GRID2: variants seen among roughly 807,000 people sequenced by gnomAD.
GRID2 encodes glutamate receptor ionotropic, delta-2.
GRID2 carries 33 observed loss-of-function variants against 114.8 expected under a neutral mutation model. The ratio of observed to expected loss-of-function variants is 0.29; its 90% CI spans 0.22 to 0.38. The LOEUF is 0.38. Among genes scored for constraint, GRID2 ranks in the 10% least tolerant of loss-of-function variants. GRID2 has a pLI of 1.00. For synonymous variants in GRID2, 505 were observed against 449.9 expected (o/e 1.12, Z -1.55); for missense variants, 1,184 against 1,257.7 (o/e 0.94, Z 0.89).
chr4:93,784,047 G>A (rs1290663714), intron 1 of GRID2, among the ~76,000 whole-genome samples: 5 of 135,680 alleles, frequency 3.7e-5, no homozygotes, highest in African/African-American at 2.9e-5. Context: ...ACTCCAGCCT[G>A]GGCGACAGAG....
At chr4:93,157,566 C>T (rs541626725) in intron 4 of GRID2, among the ~76,000 whole-genome samples, 99 of 151,754 alleles carry the variant, frequency 6.5e-4, no homozygotes, top group African/African-American at 2.2e-3. Context: ...AAAGTAGAAA[C>T]GCTGCACAAA....
chr4:92,550,476 TA>T (rs1478084271), intron 1 of GRID2, among the ~76,000 whole-genome samples: 3 of 152,208 alleles, frequency 2.0e-5, no homozygotes, highest in Non-Finnish European at 2.9e-5. Flanking sequence ...TGAATACACT[TA>T]GAGGCAACCC....
intron 8 of GRID2, among the ~76,000 whole-genome samples, chr4:93,322,511 G>T (rs1456680812): frequency 1.3e-5 from 2 of 152,118 alleles, no homozygotes; most frequent in African/African-American, 2.4e-5. Flanking sequence ...AGACATACAT[G>T]TGCATGTGTG....
chr4:92,551,254 CTG>C (rs34809917), intron 1 of GRID2, among the ~76,000 whole-genome samples: 16,485 of 146,550 alleles, frequency 0.11, 902 homozygotes, highest in South Asian at 0.2. Context: ...ACATCTACAC[CTG>C]TGTGTGTGTG....
At chr4:93,311,554 T>C (rs7667893) in intron 8 of GRID2, among the ~76,000 whole-genome samples, 7,268 of 152,308 alleles carry the variant, frequency 0.048, 554 homozygotes, top group African/African-American at 0.16. Context: ...CAGGGATTAC[T>C]TTTTAAAGCA....
intron 2 of GRID2, among the ~76,000 whole-genome samples, chr4:93,031,967 T>A (rs1224451114): frequency 2.0e-5 from 3 of 151,994 alleles, no homozygotes; most frequent in Non-Finnish European, 2.9e-5. Context: ...ACTTCAAGAG[T>A]AGCAAGCATT....
intron 1 of GRID2, among the ~76,000 whole-genome samples, chr4:92,399,402 C>G (rs1417394288): frequency 6.6e-6 from 1 of 152,142 alleles, no homozygotes; most frequent in Non-Finnish European, 1.5e-5. Flanking sequence ...AGCCGTTGAG[C>G]TTTACCCTGT....
chr4:92,524,741 G>A (rs1391842114), intron 1 of GRID2, among the ~76,000 whole-genome samples: 2 of 152,102 alleles, frequency 1.3e-5, no homozygotes, highest in African/African-American at 2.4e-5. Flanking sequence ...GGCTCAGAGA[G>A]TGGGAGTGAA....
chr4:92,938,141 T>C (rs1750807971), intron 2 of GRID2, among the ~76,000 whole-genome samples: 1 of 146,980 alleles, frequency 6.8e-6, no homozygotes, highest in Non-Finnish European at 1.5e-5. Flanking sequence ...TATGGTATAG[T>C]ACATTGATTG....
chr4:93,659,611 T>A (rs1384647733), intron 14 of GRID2, among the ~76,000 whole-genome samples: 1 of 152,226 alleles, frequency 6.6e-6, no homozygotes, highest in Non-Finnish European at 1.5e-5. Context: ...AGATTTTGCA[T>A]TCTGCCATAA....
chr4:93,589,752 G>C lies in GRID2; in HGVS notation c.2194-36517G>C, dbSNP rs1043156677. ...TTTTTAATGATTGCCATTCTAACTG[G>C]TGTGAGATGGTATCTCCTTGTGGTT... On this transcript the variant is annotated intron_variant, in intron 13 of 15. Coordinates refer to ENST00000282020, the MANE Select transcript of GRID2 (RefSeq NM_001510.4). Among the ~76,000 whole-genome samples the C allele has an allele frequency of 1.0e-3, 155 of 152,224 alleles. 1 individual carries two copies. Among genetic ancestry groups the C allele is most frequent in the Non-Finnish European group, 1.6e-3 (110 of 68,016 alleles).
At chr4:92,877,489 C>T (rs866272804) in intron 2 of GRID2, among the ~76,000 whole-genome samples, 7 of 152,058 alleles carry the variant, frequency 4.6e-5, no homozygotes, top group Non-Finnish European at 8.8e-5. Flanking sequence ...TGAGGATGAG[C>T]GAGGCATCAT....
chr4:93,207,421 G>A lies in GRID2; in HGVS notation c.753G>A (p.Leu251=). 6.2e-7 allele frequency: 1 copy of A among 1,602,510 alleles called. No individual in the cohort carries two copies. Among genetic ancestry groups the A allele is most frequent in the Non-Finnish European group, 8.5e-7 (1 of 1,170,164 alleles). ...SFITEVVETN[L]VAFDCHWIII... ...TATTCTAGGTTGTGGAGACTAATTT[G>A]GTTGCTTTTGACTGTCACTGGATCA... Residue 251 remains leucine, a synonymous_variant, in exon 5 of 16, where the codon TTG becomes TTA. Transcript: ENST00000282020.
At position 92,959,124 on chromosome 4, in the gene GRID2, T is replaced by C. The variant is rs549584869; in HGVS notation, c.245-125871T>C. ...AGATTTTATTGATTTTTTTTTTTTT[T>C]CCCAAAAGACTGACTTTTGATTTCA... is the stretch of plus-strand genomic sequence containing the variant. On this transcript the variant is annotated intron_variant, in intron 2 of 15. Transcript: ENST00000282020. Among the ~76,000 whole-genome samples, 292 of 150,888 alleles carry C rather than the reference T, an allele frequency of 1.9e-3. 1 individual carries two copies. The highest frequency in any genetic ancestry group is 6.0e-3 in the African/African-American group (246 of 41,166).
chr4:93,386,023 A>G (rs1294559415), intron 8 of GRID2, among the ~76,000 whole-genome samples: 2 of 152,170 alleles, frequency 1.3e-5, no homozygotes, highest in Non-Finnish European at 2.9e-5. Context: ...GAATAGTTGA[A>G]GCAAAACAGA....
chr4:93,020,780 C>G (rs935883815), intron 2 of GRID2, among the ~76,000 whole-genome samples: 2 of 152,068 alleles, frequency 1.3e-5, no homozygotes, highest in Admixed American at 6.6e-5. Flanking sequence ...TGCCTGTAAT[C>G]CCAGCACTTT....
In GRID2 at chr4:92,804,291, T is replaced by C. The variant is rs903428874; in HGVS notation, c.244+214005T>C. Among the ~76,000 whole-genome samples the C allele has an allele frequency of 3.9e-5, 6 of 151,996 alleles. No individual in the cohort carries two copies. The East Asian group carries it at 5.8e-4, about 15-fold the overall frequency. On this transcript the variant is annotated intron_variant, in intron 2 of 15. Coordinates refer to ENST00000282020, the MANE Select transcript of GRID2 (RefSeq NM_001510.4). Reference sequence around the variant, plus strand: ...AAAATATTCTATTTAATTATTGTATTTTACAAAACATTTCAAAGGATGGAT... The same window carrying C: ...AAAATATTCTATTTAATTATTGTATCTTACAAAACATTTCAAAGGATGGAT...
At chr4:93,519,516 G>A (rs528681414) in intron 13 of GRID2, among the ~76,000 whole-genome samples, 54 of 152,238 alleles carry the variant, frequency 3.5e-4, no homozygotes, top group Middle Eastern at 3.4e-3. Context: ...CTTCCAGGTG[G>A]CAGGTAAGGA....
At chr4:93,315,202 T>C (rs1756457895) in intron 8 of GRID2, among the ~76,000 whole-genome samples, 1 of 152,066 alleles carries the variant, frequency 6.6e-6, no homozygotes, top group South Asian at 2.1e-4. Context: ...GAGGGGAAAC[T>C]GCCCCCATAA....
Sources: allele counts gnomAD v4.1 joint callset (sites outside exome capture counted in the v4.1 genomes callset), GRCh38; gene constraint gnomAD v4.1.1; transcripts MANE v1.5; gene names NCBI Gene and HGNC (gene_info 2026-07-23, HGNC 2026-07-21).